CTNNA3: variants seen among roughly 807,000 people sequenced by gnomAD.
The protein encoded by CTNNA3 is catenin alpha-3.
In CTNNA3, 76 loss-of-function variants were observed where a neutral mutation model predicts 95.7. The observed-to-expected ratio is 0.79, with a 90% CI of 0.66 to 0.96. The LOEUF is 0.96. CTNNA3 is among the 40% of genes least tolerant of loss of function. CTNNA3 has a pLI of 0.00. For synonymous variants in CTNNA3, 431 were observed against 374.4 expected, an observed-to-expected ratio of 1.15 and a Z score of -1.74; for missense variants, 1,191 against 1,089.8, an observed-to-expected ratio of 1.09 and a Z score of -1.31.
chr10:67,103,062 T>C (rs986567115), intron 7 of CTNNA3, among the ~76,000 whole-genome samples: 5 of 151,862 alleles, frequency 3.3e-5, no homozygotes, highest in Non-Finnish European at 5.9e-5. Flanking sequence ...CTTGTGTCAA[T>C]ACTAGATTTA....
At chr10:66,594,529 T>C (rs1485309120) in intron 10 of CTNNA3, among the ~76,000 whole-genome samples, 2 of 152,158 alleles carry the variant, frequency 1.3e-5, no homozygotes, top group African/African-American at 4.8e-5. Flanking sequence ...ATCTCTTCAT[T>C]CAAACAGGTT....
intron 9 of CTNNA3, among the ~76,000 whole-genome samples, chr10:66,664,745 C>T (rs920743793): frequency 6.6e-6 from 1 of 152,062 alleles, no homozygotes; most frequent in African/African-American, 2.4e-5. Flanking sequence ...AAAAATCTCT[C>T]TCACTGATAT....
At chr10:66,474,718 G>T (rs1839260537) in intron 11 of CTNNA3, among the ~76,000 whole-genome samples, 1 of 151,954 alleles carries the variant, frequency 6.6e-6, no homozygotes, top group African/African-American at 2.4e-5. Context: ...GTCATTTTTT[G>T]TCTTTTAGAT....
At chr10:67,024,065 G>A (rs1853197027) in intron 7 of CTNNA3, among the ~76,000 whole-genome samples, 1 of 152,184 alleles carries the variant, frequency 6.6e-6, no homozygotes, top group Non-Finnish European at 1.5e-5. Flanking sequence ...CCGGAGGACA[G>A]AAGTCCAAAA....
chr10:66,194,389 GGCCA>G (rs1487248399), intron 13 of CTNNA3, among the ~76,000 whole-genome samples: 1 of 152,054 alleles, frequency 6.6e-6, no homozygotes, highest in East Asian at 1.9e-4. Flanking sequence ...AAACCAGCCT[GGCCA>G]ACATGGCAAA....
chr10:67,726,501 A>ATT (rs1554879528), intron 1 of CTNNA3, among the ~76,000 whole-genome samples: 2 of 55,950 alleles, frequency 3.6e-5, no homozygotes, highest in South Asian at 6.0e-4. Context: ...TACAATATAT[A>ATT]ATATATTATA....
At chr10:65,972,899 A>AGGG (rs371400892) in intron 16 of CTNNA3, among the ~76,000 whole-genome samples, 1 of 21,234 alleles carries the variant, frequency 4.7e-5, no homozygotes, top group African/African-American at 1.0e-4. Flanking sequence ...AGCAATCCTA[A>AGGG]GGGGGAAAAA....
chr10:67,648,142 T>C (rs191451566), intron 1 of CTNNA3, among the ~76,000 whole-genome samples: 1 of 151,806 alleles, frequency 6.6e-6, no homozygotes, highest in Non-Finnish European at 1.5e-5. Context: ...CAAGACAAAA[T>C]AAGAAGAAAA....
chr10:66,065,895 C>T (rs754809326), intron 15 of CTNNA3, among the ~76,000 whole-genome samples: 1 of 151,978 alleles, frequency 6.6e-6, no homozygotes, highest in Non-Finnish European at 1.5e-5. Flanking sequence ...CAGAGTTTCG[C>T]TCTTGTTGCC....
chr10:66,996,432 G>A (rs1851345368), intron 7 of CTNNA3, among the ~76,000 whole-genome samples: 1 of 151,950 alleles, frequency 6.6e-6, no homozygotes, highest in Admixed American at 6.6e-5. Flanking sequence ...GATTGCCTGG[G>A]CTCAGGAGTT....
chr10:66,389,271 G>A (rs2092917414), intron 11 of CTNNA3, among the ~76,000 whole-genome samples: 2 of 151,890 alleles, frequency 1.3e-5, no homozygotes, highest in African/African-American at 4.8e-5. Context: ...TTTAAAATGA[G>A]GTTAAAAGAA....
intron 9 of CTNNA3, among the ~76,000 whole-genome samples, chr10:66,705,747 T>C (rs1421001495): frequency 6.6e-6 from 1 of 152,068 alleles, no homozygotes; most frequent in Non-Finnish European, 1.5e-5. Flanking sequence ...TGTTCTTTTT[T>C]GATCCTTTTA....
intron 12 of CTNNA3, among the ~76,000 whole-genome samples, chr10:66,290,979 G>T (rs867555656): frequency 6.6e-6 from 1 of 152,150 alleles, no homozygotes; most frequent in African/African-American, 2.4e-5. Flanking sequence ...GAGACAGAAA[G>T]CCTCAGATCA....
chr10:66,022,547 G>T (rs2079240924), intron 15 of CTNNA3, among the ~76,000 whole-genome samples: 1 of 151,892 alleles, frequency 6.6e-6, no homozygotes, highest in Non-Finnish European at 1.5e-5. Context: ...AACTGCATGT[G>T]TCCTATATAC....
chr10:67,131,141 G>A (rs932023836), intron 7 of CTNNA3, among the ~76,000 whole-genome samples: 4 of 151,944 alleles, frequency 2.6e-5, no homozygotes, highest in Non-Finnish European at 5.9e-5. Flanking sequence ...AATACACTAT[G>A]CTCTCCCATG....
intron 2 of CTNNA3, among the ~76,000 whole-genome samples, chr10:67,614,586 A>G (rs1843587037): frequency 6.6e-6 from 1 of 152,170 alleles, no homozygotes; most frequent in South Asian, 2.1e-4. Context: ...CAGGAGGCAG[A>G]GCTCAGGCAG....
chr10:66,838,385 C>T (rs973744263), intron 7 of CTNNA3, among the ~76,000 whole-genome samples: 1 of 151,828 alleles, frequency 6.6e-6, no homozygotes, highest in Non-Finnish European at 1.5e-5. Flanking sequence ...ATTATTAGTA[C>T]TACTGTTACA....
chr10:66,229,502 C>T (rs1472941133), intron 13 of CTNNA3, among the ~76,000 whole-genome samples: 5 of 152,026 alleles, frequency 3.3e-5, no homozygotes, highest in Non-Finnish European at 7.4e-5. Flanking sequence ...ATAATATTCT[C>T]GTCTCACAGG....
intron 9 of CTNNA3, among the ~76,000 whole-genome samples, chr10:66,709,041 G>A (rs558863215): frequency 2.7e-4 from 41 of 152,160 alleles, no homozygotes; most frequent in South Asian, 6.2e-4. Context: ...TCTAGGCCCC[G>A]TAAAGACCAG....
Sources: allele counts gnomAD v4.1 joint callset (sites outside exome capture counted in the v4.1 genomes callset), GRCh38; gene constraint gnomAD v4.1.1; transcripts MANE v1.5; gene names NCBI Gene and HGNC (gene_info 2026-07-23, HGNC 2026-07-21).